Variants in STPG2 observed in about 807,000 individuals in gnomAD.
The protein encoded by STPG2 is sperm tail PG-rich repeat containing 2.
In STPG2, 56 loss-of-function variants were observed where a neutral mutation model predicts 54.2. The ratio of observed to expected loss-of-function variants is 1.03; its 90% CI spans 0.83 to 1.29. STPG2 has a LOEUF of 1.29. STPG2 is among the 50% of genes most tolerant of loss of function. The pLI, the probability that STPG2 is intolerant of heterozygous loss-of-function variation, is 0.00. For synonymous variants in STPG2, 200 were observed against 181.8 expected (o/e 1.10, Z -0.81); for missense variants, 596 against 544.9 (o/e 1.09, Z -0.93).
At chr4:98,008,291 A>G (rs540551990) in intron 5 of STPG2, among the ~76,000 whole-genome samples, 4 of 134,654 alleles carry the variant, frequency 3.0e-5, no homozygotes, top group African/African-American at 1.1e-4. Context: ...ACTTATTTTC[A>G]GAATTCTGAA....
At chr4:97,797,395 G>T (rs1282881114) in intron 9 of STPG2, among the ~76,000 whole-genome samples, 1 of 152,188 alleles carries the variant, frequency 6.6e-6, no homozygotes, top group Non-Finnish European at 1.5e-5. Context: ...TTTTTAGCAT[G>T]AAGGGCTGTT....
intron 10 of STPG2, among the ~76,000 whole-genome samples, chr4:97,585,883 A>T (rs1179960235): frequency 6.6e-6 from 1 of 152,004 alleles, no homozygotes; most frequent in Non-Finnish European, 1.5e-5. Context: ...AAAATAAAAA[A>T]AAATTTAAAT....
chr4:97,474,245 T>C (rs1039111153), intron 4 of STPG2, among the ~76,000 whole-genome samples: 1 of 151,872 alleles, frequency 6.6e-6, no homozygotes, highest in Non-Finnish European at 1.5e-5. Flanking sequence ...AAAATTGCTC[T>C]AGAAAATAAA....
chr4:98,109,240 C>T lies in STPG2; in HGVS notation c.453G>A (p.Glu151=), dbSNP rs201785221. 1.2e-6 allele frequency: 2 copies of T among 1,611,172 alleles called. No individual in the cohort carries two copies. Among genetic ancestry groups the T allele is most frequent in the South Asian group, 1.1e-5 (1 of 90,834 alleles). The change falls in exon 4 of 11, where the codon GAG becomes GAA. Residue 151 remains glutamate, a synonymous_variant. Coordinates refer to ENST00000295268, the MANE Select transcript of STPG2 (RefSeq NM_174952.3). ...GACCAGGACCTGACTTTTTAGGTAA[C>T]TCTTGTCTTCCTGAAGAGTTGCCAA... ...IHFGNSSGRQ[E]LPKKSGPGPG... is the part of the protein sequence containing the mutation.
At chr4:97,454,461 CG>C (rs1729459888) in intron 4 of STPG2, among the ~76,000 whole-genome samples, 1 of 133,680 alleles carries the variant, frequency 7.5e-6, no homozygotes, top group African/African-American at 2.7e-5. Flanking sequence ...TGCAGTGAGC[CG>C]AGATTGCGCC....
chr4:97,507,566 A>G (rs1730880056), intron 4 of STPG2, among the ~76,000 whole-genome samples: 1 of 151,948 alleles, frequency 6.6e-6, no homozygotes, highest in African/African-American at 2.4e-5. Context: ...CCTCCATAAG[A>G]CTGCCCTCAT....
intron 8 of STPG2, among the ~76,000 whole-genome samples, chr4:97,914,878 CTACTCTAGG>C (rs1298229303): frequency 1.3e-5 from 2 of 152,182 alleles, no homozygotes; most frequent in Admixed American, 6.5e-5. Context: ...ATGAATTTCA[CTACTCTAGG>C]TACTTCATAT....
At chr4:97,874,436 T>A (rs990666809) in intron 8 of STPG2, among the ~76,000 whole-genome samples, 8 of 151,744 alleles carry the variant, frequency 5.3e-5, no homozygotes, top group Non-Finnish European at 7.4e-5. Flanking sequence ...GTCACATGCA[T>A]GAAACAATCA....
intron 8 of STPG2, among the ~76,000 whole-genome samples, chr4:97,930,166 G>C (rs965730868): frequency 2.0e-5 from 3 of 152,062 alleles, no homozygotes; most frequent in African/African-American, 7.2e-5. Context: ...TAAAGTGCTG[G>C]GATTACAGGC....
At chr4:97,475,451 CAT>C (rs1279233503) in intron 4 of STPG2, among the ~76,000 whole-genome samples, 1 of 149,346 alleles carries the variant, frequency 6.7e-6, no homozygotes, top group East Asian at 1.9e-4. Context: ...CTTAATCTAA[CAT>C]ATATGTATAT....
chr4:97,980,716 A>G (rs974838968), intron 6 of STPG2, among the ~76,000 whole-genome samples: 1 of 152,208 alleles, frequency 6.6e-6, no homozygotes, highest in Non-Finnish European at 1.5e-5. Context: ...GCAATTTTAT[A>G]ATTTATTTTG....
intron 4 of STPG2, among the ~76,000 whole-genome samples, chr4:97,512,135 A>G (rs928341890): frequency 2.6e-5 from 4 of 152,146 alleles, no homozygotes; most frequent in African/African-American, 9.7e-5. Flanking sequence ...CAACAGTTTG[A>G]ACATTGAATT....
chr4:97,604,900 A>G (rs1733555840), intron 10 of STPG2, among the ~76,000 whole-genome samples: 1 of 151,772 alleles, frequency 6.6e-6, no homozygotes, highest in African/African-American at 2.4e-5. Context: ...AATACTACAG[A>G]CAGCAAATAT....
At chr4:97,490,581 A>G (rs1202978376) in intron 4 of STPG2, among the ~76,000 whole-genome samples, 2 of 151,652 alleles carry the variant, frequency 1.3e-5, no homozygotes, top group Admixed American at 1.3e-4. Flanking sequence ...GTGAAGGAGT[A>G]CTCGCTTCCC....
At chr4:97,854,169 T>A (rs1267712684) in intron 8 of STPG2, among the ~76,000 whole-genome samples, 1 of 152,172 alleles carries the variant, frequency 6.6e-6, no homozygotes, top group Non-Finnish European at 1.5e-5. Flanking sequence ...ACAACAAACA[T>A]TTATAGTCTT....
chr4:98,050,841 T>G (rs1425092548), intron 5 of STPG2, among the ~76,000 whole-genome samples: 1 of 151,064 alleles, frequency 6.6e-6, no homozygotes, highest in Non-Finnish European at 1.5e-5. Flanking sequence ...CCGTCCCTAC[T>G]AAAAATACAA....
At chr4:97,492,645 C>CT (rs112806773) in intron 4 of STPG2, among the ~76,000 whole-genome samples, 34,216 of 146,518 alleles carry the variant, frequency 0.23, 8,589 homozygotes, top group African/African-American at 0.63. Context: ...ATGATAAAAA[C>CT]TTTTTTTTTT....
intron 5 of STPG2, among the ~76,000 whole-genome samples, chr4:97,989,297 G>A (rs1734936544): frequency 6.6e-6 from 1 of 152,080 alleles, no homozygotes; most frequent in African/African-American, 2.4e-5. Flanking sequence ...CATAGCGTTA[G>A]CCTATTTTCT....
chr4:97,918,071 A>T (rs912862308), intron 8 of STPG2, among the ~76,000 whole-genome samples: 36 of 104,812 alleles, frequency 3.4e-4, no homozygotes, highest in Admixed American at 4.5e-4. Context: ...TAAGGAAGAT[A>T]AAAAAAAACC....
Sources: allele counts gnomAD v4.1 joint callset (sites outside exome capture counted in the v4.1 genomes callset), GRCh38; gene constraint gnomAD v4.1.1; transcripts MANE v1.5; gene names NCBI Gene and HGNC (gene_info 2026-07-23, HGNC 2026-07-21).